The following KHDRBS2 variants were observed in gnomAD, a reference collection of about 807,000 sequenced individuals.
The protein encoded by KHDRBS2 is KH RNA binding domain containing, signal transduction associated 2, also known as KH domain-containing, RNA-binding, signal transduction-associated protein 2.
KHDRBS2 carries 26 observed loss-of-function variants against 44.3 expected under a neutral mutation model. The ratio of observed to expected loss-of-function variants is 0.59; its 90% CI spans 0.43 to 0.81. KHDRBS2 has a LOEUF of 0.81. Ranked by LOEUF, KHDRBS2 falls within the 40% of genes least tolerant of loss-of-function variation. KHDRBS2 has a pLI of 0.00. For missense variants in KHDRBS2, 476 were observed against 433.1 expected (o/e 1.10, Z -0.88); for synonymous variants, 194 against 151.1 (o/e 1.28, Z -2.08).
intron 2 of KHDRBS2, among the ~76,000 whole-genome samples, chr6:62,063,386 T>C (rs1391182980): frequency 6.6e-6 from 1 of 151,430 alleles, no homozygotes; most frequent in African/African-American, 2.4e-5. Flanking sequence ...CTCAATAAAA[T>C]ACTGGCAAAC....
At chr6:61,556,595 A>G in the KHDRBS2 span, among the ~76,000 whole-genome samples, 1 of 152,058 alleles carries the variant, frequency 6.6e-6, no homozygotes, top group African/African-American at 2.4e-5. Context: ...GAAAATATGG[A>G]GTTTAGCCAA....
the KHDRBS2 span, among the ~76,000 whole-genome samples, chr6:61,674,348 A>G: frequency 6.6e-6 from 1 of 151,814 alleles, no homozygotes; most frequent in Non-Finnish European, 1.5e-5. Context: ...TTTTTGATCA[A>G]ATTTATTCAG....
chr6:62,162,267 C>G (rs9454508), intron 2 of KHDRBS2, among the ~76,000 whole-genome samples: 80,241 of 151,860 alleles, frequency 0.53, 21,582 homozygotes, highest in Non-Finnish European at 0.58. Context: ...CAAGGAAGGT[C>G]TAGTGGCAAT....
chr6:61,626,049 T>G, the KHDRBS2 span, among the ~76,000 whole-genome samples: 1 of 152,226 alleles, frequency 6.6e-6, no homozygotes. Context: ...AATCTATTAA[T>G]GAAGTATAGA....
chr6:62,001,107 T>C (rs1179787284), intron 3 of KHDRBS2, among the ~76,000 whole-genome samples: 3 of 152,174 alleles, frequency 2.0e-5, no homozygotes, highest in Non-Finnish European at 4.4e-5. Flanking sequence ...GCTTCTTACG[T>C]TCTGGTCACC....
intron 1 of KHDRBS2, among the ~76,000 whole-genome samples, chr6:62,257,750 AC>A (rs773022129): frequency 6.6e-6 from 1 of 151,944 alleles, no homozygotes; most frequent in Non-Finnish European, 1.5e-5. Flanking sequence ...AGAGTTTTAA[AC>A]CTATCACTCA....
At chr6:61,912,240 T>A (rs1226677078) in intron 4 of KHDRBS2, among the ~76,000 whole-genome samples, 5 of 152,000 alleles carry the variant, frequency 3.3e-5, no homozygotes, top group African/African-American at 9.7e-5. Flanking sequence ...TGGAAAAAAA[T>A]ACATCAAAAA....
At position 61,977,823 on chromosome 6, in the gene KHDRBS2, C is replaced by T. The variant is rs150577607; in HGVS notation, c.483+243G>A. Among the ~76,000 whole-genome samples, 703 of 152,144 alleles carry T rather than the reference C, an allele frequency of 4.6e-3. 3 individuals carry two copies. The highest frequency in any genetic ancestry group is 7.9e-3 in the Non-Finnish European group (534 of 67,992). ...TGTCTTTTTCTTCATGACTATGAAC[C>T]GATGCATGGCATGACACCAGCATGA... is the stretch of plus-strand genomic sequence containing the variant. On this transcript the variant is annotated intron_variant, in intron 4 of 8. Coordinates refer to ENST00000281156, the MANE Select transcript of KHDRBS2 (RefSeq NM_152688.4).
At chr6:62,248,352 A>G (rs1024748747) in intron 1 of KHDRBS2, among the ~76,000 whole-genome samples, 1 of 150,468 alleles carries the variant, frequency 6.6e-6, no homozygotes, top group African/African-American at 2.4e-5. Flanking sequence ...TTTTACTTTT[A>G]TTATTTTTTA....
At chr6:62,214,378 A>G (rs1367917775) in intron 1 of KHDRBS2, among the ~76,000 whole-genome samples, 1 of 152,180 alleles carries the variant, frequency 6.6e-6, no homozygotes, top group Non-Finnish European at 1.5e-5. Context: ...AAGAATCATG[A>G]CCCTAGAAAA....
At chr6:62,016,475 T>A (rs1459743326) in intron 3 of KHDRBS2, among the ~76,000 whole-genome samples, 2 of 150,982 alleles carry the variant, frequency 1.3e-5, no homozygotes, top group East Asian at 3.9e-4. Context: ...CATATACACA[T>A]ATGTATATAT....
intron 2 of KHDRBS2, among the ~76,000 whole-genome samples, chr6:62,146,469 A>AT (rs1392873860): frequency 7.6e-6 from 1 of 131,694 alleles, no homozygotes; most frequent in East Asian, 2.3e-4. Flanking sequence ...GGATTTTAAA[A>AT]GAAAAAAAAA....
chr6:61,686,857 T>A (rs965929043), intron 8 of KHDRBS2, among the ~76,000 whole-genome samples: 20 of 151,430 alleles, frequency 1.3e-4, no homozygotes, highest in African/African-American at 4.6e-4. Flanking sequence ...TTAGTATTAA[T>A]TATATAATAA....
At chr6:61,681,667 C>A (rs1028658927) in intron 8 of KHDRBS2, among the ~76,000 whole-genome samples, 6 of 151,776 alleles carry the variant, frequency 4.0e-5, no homozygotes, top group African/African-American at 1.5e-4. Context: ...TCAGTTTTTC[C>A]AAGTAAACAA....
At chr6:62,228,469 A>G (rs991051185) in intron 1 of KHDRBS2, among the ~76,000 whole-genome samples, 3 of 151,944 alleles carry the variant, frequency 2.0e-5, no homozygotes, top group South Asian at 2.1e-4. Flanking sequence ...TATTTTTTCA[A>G]AAAACCAGCC....
intron 1 of KHDRBS2, among the ~76,000 whole-genome samples, chr6:62,236,343 A>G (rs925145022): frequency 6.6e-6 from 1 of 152,078 alleles, no homozygotes; most frequent in Non-Finnish European, 1.5e-5. Flanking sequence ...TAATAAAACA[A>G]GAGAAATGAA....
At chr6:62,011,786 T>A (rs2127269999) in intron 3 of KHDRBS2, among the ~76,000 whole-genome samples, 1 of 152,326 alleles carries the variant, frequency 6.6e-6, no homozygotes, top group Admixed American at 6.5e-5. Flanking sequence ...GTGCTCAATG[T>A]AAGCTATGTA....
intron 6 of KHDRBS2, among the ~76,000 whole-genome samples, chr6:61,855,440 G>T (rs963194628): frequency 1.3e-5 from 2 of 151,546 alleles, no homozygotes; most frequent in African/African-American, 4.8e-5. Context: ...AATAATAGGT[G>T]CCTCCTAGGT....
chr6:62,225,240 C>T (rs1445813419), intron 1 of KHDRBS2, among the ~76,000 whole-genome samples: 1 of 152,052 alleles, frequency 6.6e-6, no homozygotes, highest in Non-Finnish European at 1.5e-5. Flanking sequence ...TTCACTTATC[C>T]CACTGATCTT....
Sources: allele counts gnomAD v4.1 joint callset (sites outside exome capture counted in the v4.1 genomes callset), GRCh38; gene constraint gnomAD v4.1.1; transcripts MANE v1.5; gene names NCBI Gene and HGNC (gene_info 2026-07-23, HGNC 2026-07-21).